CSTF3: variants seen among roughly 807,000 people sequenced by gnomAD.
CSTF3 encodes cleavage stimulation factor subunit 3.
CSTF3 carries 29 observed loss-of-function variants against 105.8 expected under a neutral mutation model. The ratio of observed to expected loss-of-function variants is 0.27; its 90% CI spans 0.20 to 0.37. The LOEUF (loss-of-function observed/expected upper bound fraction) is 0.37. CSTF3 is among the 10% of genes least tolerant of loss of function. The pLI is 1.00. For synonymous variants in CSTF3, 252 were observed against 281.9 expected, an observed-to-expected ratio of 0.89 and a Z score of 1.06; for missense variants, 357 against 879.3, an observed-to-expected ratio of 0.41 and a Z score of 7.51.
chr11:33,131,161 A>C (rs1013567215), intron 3 of CSTF3, among the ~76,000 whole-genome samples: 1 of 152,252 alleles, frequency 6.6e-6, no homozygotes, highest in African/African-American at 2.4e-5. Flanking sequence ...AAAAATTAAA[A>C]AACTATGGAA....
At chr11:33,121,644 T>C (rs552691450) in intron 3 of CSTF3, among the ~76,000 whole-genome samples, 1 of 152,156 alleles carries the variant, frequency 6.6e-6, no homozygotes, top group Non-Finnish European at 1.5e-5. Context: ...ATATTGATAT[T>C]CCTGCTCTAA....
chr11:33,147,952 T>A (rs1855804971), intron 1 of CSTF3, among the ~76,000 whole-genome samples: 1 of 152,166 alleles, frequency 6.6e-6, no homozygotes, highest in Non-Finnish European at 1.5e-5. Flanking sequence ...GAAAGGATTG[T>A]AGACAAGCAG....
At chr11:33,100,753 G>A (rs1855273434) in intron 10 of CSTF3, among the ~76,000 whole-genome samples, 1 of 152,174 alleles carries the variant, frequency 6.6e-6, no homozygotes, top group African/African-American at 2.4e-5. Flanking sequence ...ACCTGAAGAA[G>A]GGATGAAGCT....
In CSTF3 at chr11:33,105,666, A is replaced by G; in HGVS notation, c.486T>C (p.Asn162=). 1 of 1,613,500 alleles carries G rather than the reference A, an allele frequency of 6.2e-7. No homozygotes were observed. Among genetic ancestry groups the G allele is most frequent in the African/African-American group, 1.3e-5 (1 of 74,990 alleles). Residue 162 remains asparagine (N), a synonymous_variant, in exon 8 of 21, where the codon AAT becomes AAC. Coordinates refer to ENST00000323959, the MANE Select transcript of CSTF3 (RefSeq NM_001326.3). ...CTCTTCGGACAGCTGTTATTCTTTGATTTTCTGCATAAGATCCTACAGCTT... is the reference window on the plus strand; with the variant it reads ...CTCTTCGGACAGCTGTTATTCTTTGGTTTTCTGCATAAGATCCTACAGCTT... ...GVEAVGSYAE[N]QRITAVRRVY...
At chr11:33,160,996 T>C (rs932899901) in intron 1 of CSTF3, among the ~76,000 whole-genome samples, 3 of 152,022 alleles carry the variant, frequency 2.0e-5, no homozygotes, top group African/African-American at 4.8e-5. Flanking sequence ...TCCACTCTAA[T>C]ACCAAAACGA....
At chr11:33,145,262 C>G (rs1590285422) in intron 1 of CSTF3, among the ~76,000 whole-genome samples, 2 of 151,544 alleles carry the variant, frequency 1.3e-5, no homozygotes, top group African/African-American at 4.9e-5. Context: ...ATGGCGAAAC[C>G]CCGTCTCTAC....
chr11:33,136,632 G>A (rs887958402), intron 3 of CSTF3, among the ~76,000 whole-genome samples: 4 of 151,922 alleles, frequency 2.6e-5, no homozygotes, highest in African/African-American at 9.7e-5. Flanking sequence ...ATTCCCCTGA[G>A]CTCAAGTTAT....
chr11:33,149,798 C>G (rs1855834158), intron 1 of CSTF3, among the ~76,000 whole-genome samples: 1 of 152,156 alleles, frequency 6.6e-6, no homozygotes, highest in African/African-American at 2.4e-5. Flanking sequence ...GCAGGTGGAT[C>G]ACCTGAGGTC....
At chr11:33,130,866 A>C (rs1055127224) in intron 3 of CSTF3, among the ~76,000 whole-genome samples, 2 of 152,004 alleles carry the variant, frequency 1.3e-5, no homozygotes, top group African/African-American at 4.8e-5. Context: ...AACCAACCCA[A>C]AACACCACAA....
chr11:33,089,647 A>C (rs1420005930), intron 17 of CSTF3, among the ~76,000 whole-genome samples: 1 of 152,240 alleles, frequency 6.6e-6, no homozygotes, highest in Non-Finnish European at 1.5e-5. Context: ...TAGGGCTTCC[A>C]TTAACAAAAA....
At chr11:33,085,359 A>C (rs1855093914) in intron 20 of CSTF3, 70 bp from the exon 21 acceptor site, 1 of 1,218,942 alleles carries the variant, frequency 8.2e-7, no homozygotes, top group Non-Finnish European at 1.1e-6. Context: ...TCAACTGTGG[A>C]TACTTTATTT....
intron 8 of CSTF3, among the ~76,000 whole-genome samples, chr11:33,105,101 C>T (rs1329327538): frequency 6.6e-6 from 1 of 152,122 alleles, no homozygotes. Flanking sequence ...TTTATGTATT[C>T]AGATTGATTA....
In CSTF3 at chr11:33,099,704, A is replaced by G; in HGVS notation, c.840T>C (p.Tyr280=). The G allele has an allele frequency of 6.3e-7, 1 of 1,589,966 alleles. No homozygotes were observed. The highest frequency in any genetic ancestry group is 2.3e-5 in the East Asian group (1 of 44,300). The change falls in exon 11 of 21, where the codon TAT becomes TAC. Residue 280 remains tyrosine, a synonymous_variant. Coordinates refer to ENST00000323959, the MANE Select transcript of CSTF3 (RefSeq NM_001326.3). The surrounding 1 kb of genome is among the most constrained non-coding windows in gnomAD (Gnocchi z 4.1). The stretch of plus-strand genomic sequence containing the variant: ...GGCCCAGCACAAGCAGGCACTGTTC[A>G]TAAGCAAACATAACTAAGGGAAGAA... ...TLITKRVMFA[Y]EQCLLVLGHH...
intron 15 of CSTF3, among the ~76,000 whole-genome samples, chr11:33,095,385 C>A (rs1371813613): frequency 2.0e-5 from 3 of 152,138 alleles, no homozygotes; most frequent in Non-Finnish European, 4.4e-5. Context: ...TATACTACAT[C>A]TTTTTTTGTT....
chr11:33,085,339 G>C (rs761919365), intron 20 of CSTF3, 50 bp from the exon 21 acceptor site: 1 of 1,436,022 alleles, frequency 7.0e-7, no homozygotes, highest in Admixed American at 2.5e-5. Flanking sequence ...CTATGAAAGG[G>C]TATGTATGTT....
chr11:33,129,394 CT>C (rs967909642), intron 3 of CSTF3, among the ~76,000 whole-genome samples: 494 of 143,758 alleles, frequency 3.4e-3, no homozygotes, highest in Middle Eastern at 7.4e-3. Context: ...GCCCGGCCTA[CT>C]TTTTTTTTTT....
chr11:33,104,873 C>A (rs1855312617), intron 8 of CSTF3, among the ~76,000 whole-genome samples: 1 of 152,210 alleles, frequency 6.6e-6, no homozygotes, highest in Admixed American at 6.5e-5. Flanking sequence ...AATTTCACTA[C>A]CCTATATAGT....
chr11:33,157,437 G>A (rs550689646), intron 1 of CSTF3, among the ~76,000 whole-genome samples: 10 of 152,246 alleles, frequency 6.6e-5, no homozygotes, highest in African/African-American at 2.4e-4. Context: ...TCATATGTTT[G>A]TTAGGGGGGT....
intron 10 of CSTF3, among the ~76,000 whole-genome samples, chr11:33,100,477 G>T (rs1855270788): frequency 6.6e-6 from 1 of 151,984 alleles, no homozygotes; most frequent in African/African-American, 2.4e-5. Context: ...GATTACAGAT[G>T]TGAGCCACTG....
Sources: gnomAD v4.1 joint callset for allele counts (sites outside exome capture counted in the v4.1 genomes callset) on GRCh38, gnomAD v4.1.1 for gene constraint, Gnocchi (gnomAD v3.1) non-coding constraint, MANE v1.5 for transcripts, NCBI Gene and HGNC (gene_info 2026-07-23, HGNC 2026-07-21) for gene names.